Variants in SLC12A2 observed in about 807,000 individuals in gnomAD.
The protein encoded by SLC12A2 is solute carrier family 12 member 2.
In SLC12A2, 67 loss-of-function variants were observed where a neutral mutation model predicts 136.3. The observed-to-expected ratio is 0.49, with a 90% confidence interval of 0.40 to 0.60. The LOEUF (loss-of-function observed/expected upper bound fraction) is 0.60, where lower values mean the gene tolerates loss of function less well. Ranked by LOEUF, SLC12A2 falls within the 20% of genes least tolerant of loss-of-function variation. The pLI is 0.00. For synonymous variants in SLC12A2, 619 were observed against 562.9 expected (o/e 1.10, Z -1.41); for missense variants, 1,322 against 1,534.7 (o/e 0.86, Z 2.32).
intron 11 of SLC12A2, 81 bp downstream of exon 11, chr5:128,147,810 A>G (rs556129235): frequency 1.2e-6 from 1 of 837,614 alleles, no homozygotes; most frequent in South Asian, 1.6e-5. Context: ...GCTATTTTCA[A>G]ATTATTTGCT....
chr5:128,154,350 T>C (rs1762806544), intron 15 of SLC12A2, among the ~76,000 whole-genome samples: 2 of 151,596 alleles, frequency 1.3e-5, no homozygotes, highest in Admixed American at 1.3e-4. Flanking sequence ...AAGGAGTGTC[T>C]AGGCTATAGT....
intron 22 of SLC12A2, among the ~76,000 whole-genome samples, chr5:128,180,031 G>A (rs528741951): frequency 1.6e-4 from 20 of 125,116 alleles, no homozygotes; most frequent in South Asian, 1.1e-3. Flanking sequence ...GTACAGTGGC[G>A]CAATCTCGGC....
At chr5:128,116,201 G>A (rs1233758972) in intron 4 of SLC12A2, among the ~76,000 whole-genome samples, 1 of 152,030 alleles carries the variant, frequency 6.6e-6, no homozygotes, top group Non-Finnish European at 1.5e-5. Context: ...TCAGACCTTA[G>A]AATCTAGGCT....
intron 17 of SLC12A2, among the ~76,000 whole-genome samples, chr5:128,163,576 A>C (rs1350636864): frequency 6.6e-6 from 1 of 152,160 alleles, no homozygotes; most frequent in South Asian, 2.1e-4. Context: ...ATAGTGAAAA[A>C]GAATCGGAAG....
At chr5:128,154,434 C>A (rs2126726707) in intron 15 of SLC12A2, among the ~76,000 whole-genome samples, 1 of 151,910 alleles carries the variant, frequency 6.6e-6, no homozygotes, top group Non-Finnish European at 1.5e-5. Flanking sequence ...AAAAAGTTAT[C>A]CCAGTTTGGC....
At chr5:128,114,525 A>G in intron 3 of SLC12A2, 61 bp from the exon 4 acceptor site, 1 of 1,154,132 alleles carries the variant, frequency 8.7e-7, no homozygotes. Context: ...AACCAGTTTT[A>G]GATACCGATG....
chr5:128,153,145 TGTTA>T (rs1449140559), intron 15 of SLC12A2, among the ~76,000 whole-genome samples: 1 of 152,238 alleles, frequency 6.6e-6, no homozygotes, highest in African/African-American at 2.4e-5. Context: ...ACACTAAAAT[TGTTA>T]GTTGTGTCTT....
rs191484990 is a variant in SLC12A2, at chr5:128,180,021, G to C, written c.3101-862G>C. ...GTCTTTTTCTGCCACCCAGGCTGGA[G>C]TACAGTGGCGCAATCTCGGCCCACT... On this transcript the variant is annotated intron_variant, in intron 22 of 26. Coordinates refer to ENST00000262461, the MANE Select transcript of SLC12A2 (RefSeq NM_001046.3). 1.7e-3 allele frequency among the ~76,000 whole-genome samples: 209 copies of C among 125,844 alleles called. 2 individuals carry two copies. Among genetic ancestry groups the C allele is most frequent in the African/African-American group, 5.9e-3 (201 of 33,970 alleles). The allele number at this position is 125,844 out of a possible 152,430, so 82.6% of individuals were successfully genotyped here.
rs559891798 is a variant in SLC12A2 at position 128,143,899 on chromosome 5, ATTAT to A, written c.1773+1923_1773+1926del. Among the ~76,000 whole-genome samples, 22 of 141,878 alleles carry A rather than the reference ATTAT, an allele frequency of 1.6e-4. No homozygotes were observed. In the South Asian group the frequency reaches 3.2e-3, roughly 21 times the overall value. The allele number at this position is 141,878 out of a possible 152,430, so 93.1% of individuals were successfully genotyped here. A position where few individuals can be genotyped will look rare whatever the true frequency, so the allele number is the denominator to read the frequency against. ...AGGCATTGTTTTTATTATAAATAAA[ATTAT>A]TTATAATAAAATTATTTATTATAAA... On this transcript the variant is annotated intron_variant, in intron 10 of 26. Coordinates refer to ENST00000262461, the MANE Select transcript of SLC12A2 (RefSeq NM_001046.3).
chr5:128,109,108 T>C (rs1267352536), intron 1 of SLC12A2, among the ~76,000 whole-genome samples: 2 of 152,278 alleles, frequency 1.3e-5, no homozygotes, highest in Non-Finnish European at 2.9e-5. Context: ...TATAGCTATG[T>C]CTATTAATGA....
At chr5:128,109,420 C>A (rs1429208480) in intron 1 of SLC12A2, 2 of 351,074 alleles carry the variant, frequency 5.7e-6, no homozygotes, top group Non-Finnish European at 1.1e-5. Context: ...GAAGCCTCGG[C>A]TGCTTCTGTC....
rs891886 is a variant in SLC12A2, at chr5:128,131,420, A to T, written c.1188+214A>T. Reference sequence around the variant, plus strand: ...GGCTCGCGCATGTAATCCCAGCACTATGGGAGGCCGAGGCGAGCGGATCAC... The same window carrying T: ...GGCTCGCGCATGTAATCCCAGCACTTTGGGAGGCCGAGGCGAGCGGATCAC... On this transcript the variant is annotated intron_variant, in intron 5 of 26. Transcript: ENST00000262461. 0.35 allele frequency among the ~76,000 whole-genome samples: 52,386 copies of T among 151,746 alleles called. 11,626 individuals are homozygous for T. Among genetic ancestry groups the T allele is most frequent in the African/African-American group, 0.63 (26,064 of 41,324 alleles).
intron 1 of SLC12A2, among the ~76,000 whole-genome samples, chr5:128,103,101 A>G (rs1219600724): frequency 6.6e-6 from 1 of 152,246 alleles, no homozygotes; most frequent in African/African-American, 2.4e-5. Flanking sequence ...CTCTAAGGAT[A>G]TGCTGAGGAG....
At chr5:128,152,511 T>C (rs1193429376) in intron 14 of SLC12A2, among the ~76,000 whole-genome samples, 195 bp from the exon 15 acceptor site, 1 of 152,244 alleles carries the variant, frequency 6.6e-6, no homozygotes, top group East Asian at 1.9e-4. Context: ...TAATACTTTT[T>C]CTTTAAATGA....
chr5:128,166,450 GGATA>G (rs1246309955), intron 17 of SLC12A2, among the ~76,000 whole-genome samples: 4 of 150,914 alleles, frequency 2.7e-5, no homozygotes, highest in African/African-American at 9.7e-5. Flanking sequence ...ACAGATGAAT[GGATA>G]AACAAATGTG....
intron 16 of SLC12A2, among the ~76,000 whole-genome samples, chr5:128,159,149 T>C (rs191978920): frequency 2.6e-5 from 4 of 152,198 alleles, no homozygotes; most frequent in Non-Finnish European, 5.9e-5. Flanking sequence ...GTATTGTCCT[T>C]GTAGAGTGGT....
intron 4 of SLC12A2, among the ~76,000 whole-genome samples, chr5:128,121,500 T>G (rs1386275829): frequency 6.6e-6 from 1 of 151,926 alleles, no homozygotes; most frequent in Admixed American, 6.6e-5. Flanking sequence ...TTTTTTGTAT[T>G]TTTAGTAGAG....
intron 4 of SLC12A2, among the ~76,000 whole-genome samples, chr5:128,118,300 T>C (rs1161170102): frequency 2.6e-5 from 4 of 152,122 alleles, no homozygotes; most frequent in African/African-American, 9.7e-5. Flanking sequence ...TTCACAATTA[T>C]AAAAATGTGG....
rs779677826 is a variant in SLC12A2, at chr5:128,134,234, C to A, written c.1258C>A (p.Leu420Ile). The A allele has an allele frequency of 6.2e-7, 1 of 1,603,846 alleles. No individual in the cohort carries two copies. Among genetic ancestry groups the A allele is most frequent in the Non-Finnish European group, 8.5e-7 (1 of 1,171,834 alleles). Residue 420 changes from leucine (L) to isoleucine (I), a missense_variant, in exon 6 of 27, where the codon CTT (leucine) becomes ATT (isoleucine). This residue lies in a region of SLC12A2 where 110 missense variants were observed against 114.5 expected (regional missense o/e 0.96). Coordinates refer to ENST00000262461, the MANE Select transcript of SLC12A2 (RefSeq NM_001046.3). ...RIIGAITVVILLGISVAGMEW... is the reference protein window; with the variant it reads ...RIIGAITVVIILGISVAGMEW... ...TATTGGAGCCATTACAGTCGTGATT[C>A]TTTTAGGTATCTCAGTAGCTGGAAT...
Sources: gnomAD v4.1 joint callset for allele counts (sites outside exome capture counted in the v4.1 genomes callset) on GRCh38, gnomAD v4.1.1 for gene constraint, gnomAD v4.1.1 regional missense constraint, MANE v1.5 for transcripts, NCBI Gene and HGNC (gene_info 2026-07-23, HGNC 2026-07-21) for gene names.